Variants in PTPRD observed in about 807,000 individuals in gnomAD.
PTPRD encodes receptor-type tyrosine-protein phosphatase delta.
A neutral mutation model predicts 214.5 loss-of-function variants in PTPRD; 34 were observed. The observed-to-expected ratio is 0.16, with a 90% CI of 0.12 to 0.21. PTPRD has a LOEUF of 0.21. Among genes scored for constraint, PTPRD ranks in the 10% least tolerant of loss-of-function variants. The probability of loss-of-function intolerance (pLI) is 1.00; values close to 1 mark genes in which losing one functional copy is unlikely to be tolerated. For synonymous variants in PTPRD, 1,128 were observed against 845.7 expected (o/e 1.33, Z -5.79); for missense variants, 2,545 against 2,398.7 (o/e 1.06, Z -1.27).
intron 12 of PTPRD, among the ~76,000 whole-genome samples, chr9:8,680,085 CTT>C (rs1053997565): frequency 6.6e-6 from 1 of 151,886 alleles, no homozygotes; most frequent in Non-Finnish European, 1.5e-5. Context: ...TACTATGATT[CTT>C]TTGTTTCTAC....
chr9:10,277,152 T>G (rs564602886), intron 3 of PTPRD, among the ~76,000 whole-genome samples: 1 of 129,740 alleles, frequency 7.7e-6, no homozygotes, highest in African/African-American at 2.9e-5. Context: ...CTTTAAGTCT[T>G]ATAAACTTGA....
chr9:10,267,654 G>T (rs2475350), intron 3 of PTPRD, among the ~76,000 whole-genome samples: 24,221 of 152,098 alleles, frequency 0.16, 2,048 homozygotes, highest in African/African-American at 0.2. Context: ...ATTTTGGCAT[G>T]TCTTACCAGG....
intron 14 of PTPRD, among the ~76,000 whole-genome samples, chr9:8,613,788 A>G (rs1595284313): frequency 6.6e-6 from 1 of 152,314 alleles, no homozygotes. Flanking sequence ...CACCAGTTTC[A>G]TAACTGGTTT....
chr9:8,607,504 G>A (rs553643084), intron 14 of PTPRD, among the ~76,000 whole-genome samples: 3 of 152,180 alleles, frequency 2.0e-5, no homozygotes, highest in Admixed American at 1.3e-4. Context: ...TTAGCTGATC[G>A]TGGTGACACG....
chr9:8,559,914 G>A (rs533146964), intron 14 of PTPRD, among the ~76,000 whole-genome samples: 1 of 152,294 alleles, frequency 6.6e-6, no homozygotes, highest in South Asian at 2.1e-4. Context: ...TTAATTTGCA[G>A]AATAGTGTTT....
intron 4 of PTPRD, among the ~76,000 whole-genome samples, chr9:10,005,727 T>C (rs1450975823): frequency 2.6e-5 from 4 of 152,058 alleles, no homozygotes; most frequent in Admixed American, 1.3e-4. Context: ...GTAATATATA[T>C]TGATAAAATG....
At chr9:9,624,971 G>A (rs547051685) in intron 7 of PTPRD, among the ~76,000 whole-genome samples, 1 of 152,246 alleles carries the variant, frequency 6.6e-6, no homozygotes, top group East Asian at 1.9e-4. Context: ...ATTATTGCAA[G>A]GAAGAAAAAT....
At chr9:8,358,208 G>T (rs2077455884) in intron 39 of PTPRD, among the ~76,000 whole-genome samples, 2 of 152,120 alleles carry the variant, frequency 1.3e-5, no homozygotes, top group South Asian at 4.1e-4. Flanking sequence ...GAAAGTTACA[G>T]CCTGGGGAAG....
intron 3 of PTPRD, among the ~76,000 whole-genome samples, chr9:10,042,367 T>G (rs1005539572): frequency 6.6e-6 from 1 of 151,888 alleles, no homozygotes; most frequent in African/African-American, 2.4e-5. Flanking sequence ...TGCAATCTAT[T>G]AAAGCACCAT....
intron 44 of PTPRD, among the ~76,000 whole-genome samples, chr9:8,329,234 TTCTG>T (rs1035360722): frequency 9.9e-5 from 15 of 152,160 alleles, no homozygotes; most frequent in African/African-American, 2.9e-4. Flanking sequence ...TGCTATTCCT[TTCTG>T]TCTGTCTGTT....
At chr9:9,251,801 C>G (rs751466074) in intron 9 of PTPRD, among the ~76,000 whole-genome samples, 2 of 152,028 alleles carry the variant, frequency 1.3e-5, no homozygotes, top group Admixed American at 6.6e-5. Context: ...TGAGATATAA[C>G]TGCTCTAGAA....
chr9:9,167,035 T>A (rs977909816), intron 10 of PTPRD, among the ~76,000 whole-genome samples: 4 of 151,946 alleles, frequency 2.6e-5, no homozygotes, highest in Admixed American at 2.0e-4. Context: ...TTCAACTCAG[T>A]GAGAAAAAAA....
intron 10 of PTPRD, among the ~76,000 whole-genome samples, chr9:9,096,954 C>G (rs1412898006): frequency 5.3e-5 from 8 of 152,134 alleles, no homozygotes; most frequent in Non-Finnish European, 1.2e-4. Flanking sequence ...TCCCCTACCC[C>G]CTAAGTTTTG....
At chr9:8,625,197 CTATA>C (rs199616358) in intron 14 of PTPRD, among the ~76,000 whole-genome samples, 2 of 150,892 alleles carry the variant, frequency 1.3e-5, no homozygotes, top group African/African-American at 2.4e-5. Flanking sequence ...TACAAACACA[CTATA>C]TATATATATA....
intron 44 of PTPRD, among the ~76,000 whole-genome samples, chr9:8,325,991 A>G (rs1421438391): frequency 6.6e-6 from 1 of 152,158 alleles, no homozygotes; most frequent in Admixed American, 6.5e-5. Context: ...GGGTTTTCTA[A>G]ATATACAATG....
At chr9:9,074,913 A>G (rs1230277921) in intron 10 of PTPRD, among the ~76,000 whole-genome samples, 1 of 152,020 alleles carries the variant, frequency 6.6e-6, no homozygotes, top group Non-Finnish European at 1.5e-5. Context: ...GGGCAAAAAA[A>G]AAAAAGTCCT....
rs576476491 is a variant in PTPRD at position 8,608,134 on chromosome 9, A to C, written c.352+25183T>G. Reference sequence around the variant, plus strand: ...GTATTTCTAAACCTTTTTTTTTTTAATCTAGACTTCTGTATAGGATATATC... The same window carrying C: ...GTATTTCTAAACCTTTTTTTTTTTACTCTAGACTTCTGTATAGGATATATC... On this transcript the variant is annotated intron_variant, in intron 14 of 45. Transcript: ENST00000381196. Among the ~76,000 whole-genome samples, 159 of 150,516 alleles carry C rather than the reference A, an allele frequency of 1.1e-3. 4 individuals are homozygous for C. The East Asian group carries it at 0.024, about 22-fold the overall frequency.
chr9:9,891,582 A>C (rs2073347551), intron 5 of PTPRD, among the ~76,000 whole-genome samples: 1 of 152,132 alleles, frequency 6.6e-6, no homozygotes, highest in Non-Finnish European at 1.5e-5. Context: ...ACTATTTTTG[A>C]ATGCTGATAC....
chr9:8,576,682 A>T (rs2092412073), intron 14 of PTPRD, among the ~76,000 whole-genome samples: 1 of 151,320 alleles, frequency 6.6e-6, no homozygotes, highest in Non-Finnish European at 1.5e-5. Flanking sequence ...CTCTTTCCTA[A>T]GTATCTCTAG....
Sources: allele counts gnomAD v4.1 joint callset (sites outside exome capture counted in the v4.1 genomes callset), GRCh38; gene constraint gnomAD v4.1.1; transcripts MANE v1.5; gene names NCBI Gene and HGNC (gene_info 2026-07-23, HGNC 2026-07-21).